Variants in YAF2 observed in about 807,000 individuals in gnomAD.
The protein encoded by YAF2 is YY1 associated factor 2.
Under a neutral mutation model 20.1 loss-of-function variants are expected in YAF2, and 7 were observed. The observed-to-expected ratio is 0.35, with a 90% CI of 0.20 to 0.65. The LOEUF (loss-of-function observed/expected upper bound fraction) is 0.65, where lower values mean the gene tolerates loss of function less well. Ranked by LOEUF, YAF2 falls within the 30% of genes least tolerant of loss-of-function variation. The pLI is 0.69. For synonymous variants in YAF2, 74 were observed against 76.0 expected (o/e 0.97, Z 0.14); for missense variants, 151 against 219.2 (o/e 0.69, Z 1.96).
chr12:42,195,095 CA>C (rs1383220983), intron 2 of YAF2, among the ~76,000 whole-genome samples: 2 of 152,140 alleles, frequency 1.3e-5, no homozygotes, highest in Non-Finnish European at 2.9e-5. Context: ...GAAACATACA[CA>C]AGCAATTAAA....
intron 2 of YAF2, among the ~76,000 whole-genome samples, chr12:42,165,876 T>C (rs2065904780): frequency 6.7e-6 from 1 of 148,176 alleles, no homozygotes; most frequent in Non-Finnish European, 1.5e-5. Flanking sequence ...TGGTTTTAAA[T>C]TCTATCTATA....
At chr12:42,161,003 C>T (rs1031614699) in intron 3 of YAF2, 177 bp from the exon 4 acceptor site, 4 of 586,304 alleles carry the variant, frequency 6.8e-6, no homozygotes, top group Non-Finnish European at 1.2e-5. Flanking sequence ...ATTAATCAAA[C>T]CAATCATTCA....
At chr12:42,181,944 T>A (rs1040550080) in intron 2 of YAF2, among the ~76,000 whole-genome samples, 2 of 152,184 alleles carry the variant, frequency 1.3e-5, no homozygotes, top group African/African-American at 4.8e-5. Flanking sequence ...TTCTTTAACA[T>A]CCTTTTGCTT....
chr12:42,204,794 T>C (rs966050163), intron 2 of YAF2, among the ~76,000 whole-genome samples: 4 of 152,158 alleles, frequency 2.6e-5, no homozygotes, highest in East Asian at 1.9e-4. Flanking sequence ...CTTAAACACA[T>C]GCTAAGTGAA....
chr12:42,181,268 T>C (rs917214633), intron 2 of YAF2, among the ~76,000 whole-genome samples: 8 of 152,244 alleles, frequency 5.3e-5, no homozygotes, highest in African/African-American at 1.9e-4. Context: ...TTTTAATGTG[T>C]GCTTATTCCT....
chr12:42,234,192 G>A lies in YAF2; in HGVS notation c.152+3407C>T, dbSNP rs201386007. The A allele has an allele frequency of 4.4e-5, 40 of 912,462 alleles. 1 individual carries two copies. The African/African-American group carries it at 7.7e-4, about 17-fold the overall frequency. The allele number at this position is 912,462 out of a possible 1,614,324, so 56.5% of individuals were successfully genotyped here. A position where few individuals can be genotyped will look rare whatever the true frequency, so the allele number is the denominator to read the frequency against. The stretch of plus-strand genomic sequence containing the variant: ...TCAAATTCTGCCTCAAAAAAAAAAA[G>A]AGAAAAGAAAAGAAAAGAAAAGAAA... On this transcript the variant is annotated intron_variant, in intron 2 of 3. Coordinates refer to ENST00000534854, the MANE Select transcript of YAF2 (RefSeq NM_005748.6).
At chr12:42,175,334 A>T (rs775143712) in intron 2 of YAF2, among the ~76,000 whole-genome samples, 1 of 152,190 alleles carries the variant, frequency 6.6e-6, no homozygotes, top group Non-Finnish European at 1.5e-5. Context: ...AAAGCAGATC[A>T]GTAGTTGCCT....
At chr12:42,212,907 T>C (rs2067252120) in intron 2 of YAF2, among the ~76,000 whole-genome samples, 1 of 152,226 alleles carries the variant, frequency 6.6e-6, no homozygotes, top group Admixed American at 6.5e-5. Flanking sequence ...AAAAGGGTCA[T>C]CTAGGTAACT....
intron 2 of YAF2, among the ~76,000 whole-genome samples, chr12:42,228,115 G>A (rs1565657893): frequency 1.3e-5 from 1 of 78,370 alleles, no homozygotes; most frequent in Non-Finnish European, 2.5e-5. Flanking sequence ...GAGCCCCTCT[G>A]CCCGGCCAGC....
chr12:42,220,098 A>G (rs1284393642), intron 2 of YAF2, among the ~76,000 whole-genome samples: 4 of 152,220 alleles, frequency 2.6e-5, no homozygotes, highest in Admixed American at 6.5e-5. Context: ...AGGCCCTAAA[A>G]TGGGAAAAAG....
At chr12:42,224,657 T>C (rs923405701) in intron 2 of YAF2, among the ~76,000 whole-genome samples, 8 of 152,174 alleles carry the variant, frequency 5.3e-5, no homozygotes, top group South Asian at 4.1e-4. Context: ...GTTAGTGTGC[T>C]GTAAATGATG....
chr12:42,183,151 GGTAA>G (rs1351615724), intron 2 of YAF2, among the ~76,000 whole-genome samples: 1 of 152,042 alleles, frequency 6.6e-6, no homozygotes, highest in East Asian at 1.9e-4. Context: ...CAACTAAATT[GGTAA>G]GTGTTTGTGT....
intron 2 of YAF2, among the ~76,000 whole-genome samples, chr12:42,202,921 GC>G (rs1365663062): frequency 6.6e-6 from 1 of 152,166 alleles, no homozygotes; most frequent in African/African-American, 2.4e-5. Context: ...ACAGGCATGA[GC>G]CACCATGCCC....
intron 2 of YAF2, among the ~76,000 whole-genome samples, chr12:42,218,726 T>C (rs1251352191): frequency 6.6e-6 from 1 of 152,170 alleles, no homozygotes; most frequent in African/African-American, 2.4e-5. Flanking sequence ...AATGTATACT[T>C]TGATAGCATT....
In YAF2 at chr12:42,224,483, C is replaced by G. The variant is rs933703643; in HGVS notation, c.152+13116G>C. ...ATAGTGGTTTGCTGCATCCATCAAC[C>G]CGTCATCTACATTAGGCAATTCTTC... On this transcript the variant is annotated intron_variant, in intron 2 of 3. Transcript: ENST00000534854. Among the ~76,000 whole-genome samples, 13 of 151,860 alleles carry G rather than the reference C, an allele frequency of 8.6e-5. No homozygotes were observed. In the East Asian group the frequency reaches 1.5e-3, roughly 18 times the overall value.
chr12:42,215,449 G>A (rs2067325058), intron 2 of YAF2, among the ~76,000 whole-genome samples: 1 of 152,176 alleles, frequency 6.6e-6, no homozygotes, highest in Non-Finnish European at 1.5e-5. Flanking sequence ...GTGTACTTCA[G>A]AGATAGCTGT....
At chr12:42,205,669 G>A (rs566909142) in intron 2 of YAF2, among the ~76,000 whole-genome samples, 4 of 152,042 alleles carry the variant, frequency 2.6e-5, no homozygotes, top group Middle Eastern at 3.4e-3. Context: ...CACCGTGCCC[G>A]GTCATTGCTG....
intron 3 of YAF2, chr12:42,161,167 A>C (rs889402918): frequency 1.6e-5 from 5 of 307,324 alleles, no homozygotes; most frequent in Non-Finnish European, 3.0e-5. Context: ...GAGGAAGGTG[A>C]TAAAAGCTAA....
chr12:42,182,017 T>C (rs900746079), intron 2 of YAF2, among the ~76,000 whole-genome samples: 3 of 152,294 alleles, frequency 2.0e-5, no homozygotes, highest in Non-Finnish European at 2.9e-5. Context: ...ATCAAAGTTT[T>C]TGAATAATTT....
Sources: gnomAD v4.1 joint callset for allele counts (sites outside exome capture counted in the v4.1 genomes callset) on GRCh38, gnomAD v4.1.1 for gene constraint, MANE v1.5 for transcripts, NCBI Gene and HGNC (gene_info 2026-07-23, HGNC 2026-07-21) for gene names.